Variants in AFF2 observed in about 807,000 individuals in gnomAD.
AFF2 encodes ALF transcription elongation factor 2, also known as AF4/FMR2 family member 2.
Under a neutral mutation model 76.9 loss-of-function variants are expected in AFF2, and 14 were observed. The observed-to-expected ratio is 0.18, with a 90% CI of 0.12 to 0.28. The LOEUF is 0.28. Among genes scored for constraint, AFF2 ranks in the 10% least tolerant of loss-of-function variants. The pLI is 1.00. For missense variants in AFF2, 868 were observed against 1,001.1 expected (o/e 0.87, Z 1.79); for synonymous variants, 398 against 366.7 (o/e 1.09, Z -0.98).
intron 4 of AFF2, among the ~76,000 whole-genome samples, chrX:148,829,743 C>T (rs782269135): frequency 8.9e-6 from 1 of 112,356 alleles, no homozygotes; most frequent in East Asian, 2.8e-4. Context: ...TCCCTTTTCA[C>T]TGCTCTAGGC....
At chrX:148,819,993 C>T (rs2070309187) in intron 4 of AFF2, among the ~76,000 whole-genome samples, 1 of 111,470 alleles carries the variant, frequency 9.0e-6, no homozygotes, top group African/African-American at 3.2e-5. Flanking sequence ...GTGTCCTTGA[C>T]CTTTCACTAA....
intron 5 of AFF2, among the ~76,000 whole-genome samples, chrX:148,842,665 C>T (rs1371710157): frequency 2.7e-5 from 3 of 111,935 alleles, no homozygotes; most frequent in Non-Finnish European, 3.8e-5. Context: ...CATTTGTTCC[C>T]ATGTTACACA....
intron 7 of AFF2, among the ~76,000 whole-genome samples, chrX:148,848,273 G>A (rs1283218768): frequency 8.9e-6 from 1 of 111,785 alleles, no homozygotes; most frequent in Non-Finnish European, 1.9e-5. Flanking sequence ...TATTTCTAAA[G>A]TTTTCTGTAA....
chrX:148,925,273 T>A (rs1443922477), intron 9 of AFF2, among the ~76,000 whole-genome samples: 1 of 113,037 alleles, frequency 8.8e-6, no homozygotes, highest in African/African-American at 3.2e-5. Flanking sequence ...TGTTATCATC[T>A]TTATTTTTAG....
rs180991199 is a variant in AFF2 at position 148,643,703 on chromosome X, G to A, written c.48-8296G>A. Among the ~76,000 whole-genome samples, 988 of 111,242 alleles carry A rather than the reference G, an allele frequency of 8.9e-3. 10 individuals are homozygous for A. The highest frequency in any genetic ancestry group is 0.031 in the African/African-American group (944 of 30,609). On this transcript the variant is annotated intron_variant, in intron 1 of 20. Transcript: ENST00000370460. ...GAGGACAAGGAAGTGCTTGACATGA[G>A]ATTCAAGGAGATAAAATCAGACATT...
chrX:148,914,126 G>A (rs781883398), intron 9 of AFF2, among the ~76,000 whole-genome samples: 109 of 111,760 alleles, frequency 9.8e-4, no homozygotes, highest in Middle Eastern at 4.7e-3. Flanking sequence ...ATGAAGGAGG[G>A]AGTGACTGCT....
At chrX:148,510,615 T>C (rs1410450267) in intron 1 of AFF2, among the ~76,000 whole-genome samples, 1 of 112,033 alleles carries the variant, frequency 8.9e-6, no homozygotes, top group African/African-American at 3.2e-5. Flanking sequence ...TTTCCAGATA[T>C]CTACTCCAAC....
At chrX:148,736,200 T>C (rs2055282500) in intron 3 of AFF2, among the ~76,000 whole-genome samples, 1 of 112,223 alleles carries the variant, frequency 8.9e-6, no homozygotes, top group African/African-American at 3.2e-5. Context: ...CACACTGTTT[T>C]CCATAGTGGC....
intron 1 of AFF2, among the ~76,000 whole-genome samples, chrX:148,572,599 G>A (rs1318687616): frequency 9.0e-6 from 1 of 111,628 alleles, no homozygotes; most frequent in East Asian, 2.8e-4. Flanking sequence ...GTACTGATGT[G>A]TGTCACAATT....
At chrX:148,757,657 A>C (rs1238099718) in intron 3 of AFF2, among the ~76,000 whole-genome samples, 1 of 111,647 alleles carries the variant, frequency 9.0e-6, no homozygotes, top group African/African-American at 3.3e-5. Context: ...AGTGAGGAGC[A>C]GGAAGACTTG....
intron 4 of AFF2, among the ~76,000 whole-genome samples, chrX:148,814,679 T>C (rs1360936487): frequency 8.9e-6 from 1 of 112,295 alleles, no homozygotes; most frequent in Non-Finnish European, 1.9e-5. Context: ...ATGATCTGTG[T>C]TTACAGCATT....
chrX:148,879,159 T>C (rs2124122482), intron 7 of AFF2, among the ~76,000 whole-genome samples: 1 of 112,107 alleles, frequency 8.9e-6, no homozygotes, highest in East Asian at 2.8e-4. Context: ...GGATAGTTAC[T>C]CTACTATTCT....
intron 9 of AFF2, among the ~76,000 whole-genome samples, chrX:148,949,937 C>T: frequency 8.9e-6 from 1 of 112,542 alleles, no homozygotes; most frequent in Admixed American, 9.4e-5. Context: ...TCAAGTATTA[C>T]ATGGGCTAGC....
Position 148,843,407 on chromosome X carries a change from T to A in AFF2, c.1236T>A (p.Ala412=). The A allele has an allele frequency of 1.7e-6, 2 of 1,209,931 alleles. No homozygotes were observed. Among genetic ancestry groups the A allele is most frequent in the Non-Finnish European group, 2.2e-6 (2 of 894,405 alleles). The change falls in exon 7 of 21, where the codon GCT becomes GCA. Residue 412 remains alanine, a synonymous_variant. Transcript: ENST00000370460. The stretch of plus-strand genomic sequence containing the variant: ...AGTGGAATGACCCAACCACCAGAGC[T>A]TCTACAAAGTCAGTGTCTTTCAAAT... The part of the protein sequence containing the change: ...LQKWNDPTTR[A]STKSVSFKSM...
chrX:148,882,851 C>T (rs2071114088), intron 7 of AFF2, among the ~76,000 whole-genome samples: 2 of 111,851 alleles, frequency 1.8e-5, no homozygotes, highest in African/African-American at 6.5e-5. Context: ...GAAATGAATG[C>T]CTAGTTCCTC....
intron 1 of AFF2, among the ~76,000 whole-genome samples, chrX:148,606,286 A>G (rs989194048): frequency 8.9e-6 from 1 of 112,256 alleles, no homozygotes; most frequent in African/African-American, 3.2e-5. Context: ...TGTAGAATCC[A>G]AGATAGGATT....
intron 1 of AFF2, among the ~76,000 whole-genome samples, chrX:148,581,520 G>A (rs1006981810): frequency 1.1e-5 from 1 of 94,123 alleles, no homozygotes; most frequent in Non-Finnish European, 2.1e-5. Flanking sequence ...ATACGTCTAC[G>A]TGTACACACA....
chrX:148,938,060 T>G, intron 9 of AFF2, among the ~76,000 whole-genome samples: 1 of 112,374 alleles, frequency 8.9e-6, no homozygotes, highest in Middle Eastern at 4.6e-3. Context: ...ATGAGGAATT[T>G]ATTTATAGTA....
chrX:148,521,232 C>T (rs1406850754), intron 1 of AFF2, among the ~76,000 whole-genome samples: 1 of 111,142 alleles, frequency 9.0e-6, no homozygotes, highest in East Asian at 2.8e-4. Flanking sequence ...ATTCTTGCAC[C>T]CTGTGACAAC....
Sources: allele counts gnomAD v4.1 joint callset (sites outside exome capture counted in the v4.1 genomes callset), GRCh38; gene constraint gnomAD v4.1.1; transcripts MANE v1.5; gene names NCBI Gene and HGNC (gene_info 2026-07-23, HGNC 2026-07-21).